Variants in STAM2 observed in about 807,000 individuals in gnomAD.
STAM2 encodes the protein signal transducing adaptor molecule 2.
A neutral mutation model predicts 65.6 loss-of-function variants in STAM2; 51 were observed. That is an observed-to-expected ratio of 0.78 (90% CI 0.62 to 0.98). The LOEUF is 0.98. Ranked by LOEUF, STAM2 falls within the 50% of genes least tolerant of loss-of-function variation. STAM2 has a pLI of 0.00. For missense variants in STAM2, 584 were observed against 617.8 expected (o/e 0.95, Z 0.58); for synonymous variants, 198 against 208.4 (o/e 0.95, Z 0.43).
chr2:152,163,737 T>C (rs536604712), intron 1 of STAM2, among the ~76,000 whole-genome samples: 1 of 152,190 alleles, frequency 6.6e-6, no homozygotes, highest in Non-Finnish European at 1.5e-5. Context: ...GGAAAAGAAT[T>C]GCATTCCTGG....
intron 7 of STAM2, among the ~76,000 whole-genome samples, chr2:152,140,452 G>T (rs1349572128): frequency 1.3e-5 from 2 of 152,146 alleles, no homozygotes; most frequent in Non-Finnish European, 2.9e-5. Flanking sequence ...TTAACAAAAA[G>T]TACTCACCTG....
At chr2:152,153,065 A>G (rs1341919132) in intron 1 of STAM2, among the ~76,000 whole-genome samples, 1 of 152,208 alleles carries the variant, frequency 6.6e-6, no homozygotes, top group Non-Finnish European at 1.5e-5. Context: ...AAATTAATTA[A>G]AGGTAAACTG....
At chr2:152,139,311 T>C (rs1025515928) in intron 7 of STAM2, among the ~76,000 whole-genome samples, 1 of 152,202 alleles carries the variant, frequency 6.6e-6, no homozygotes, top group Non-Finnish European at 1.5e-5. Context: ...CAAACATTAT[T>C]CAGCTAACAT....
intron 5 of STAM2, among the ~76,000 whole-genome samples, chr2:152,145,942 G>A (rs998099137): frequency 1.3e-5 from 2 of 151,998 alleles, no homozygotes; most frequent in African/African-American, 4.8e-5. Flanking sequence ...ATCTCAAAAC[G>A]TTACCTTGTA....
At chr2:152,143,262 T>C (rs1406260072) in intron 7 of STAM2, among the ~76,000 whole-genome samples, 1 of 152,236 alleles carries the variant, frequency 6.6e-6, no homozygotes, top group African/African-American at 2.4e-5. Context: ...CAAATACATC[T>C]GCAATCTGTG....
At chr2:152,165,536 A>C (rs1462499267) in intron 1 of STAM2, among the ~76,000 whole-genome samples, 1 of 152,212 alleles carries the variant, frequency 6.6e-6, no homozygotes, top group African/African-American at 2.4e-5. Context: ...CTGCAGACTG[A>C]GAAAACCATT....
At chr2:152,157,358 G>A (rs761077619) in intron 1 of STAM2, among the ~76,000 whole-genome samples, 4 of 152,198 alleles carry the variant, frequency 2.6e-5, no homozygotes, top group Non-Finnish European at 5.9e-5. Context: ...TGTTGAAGCC[G>A]TAATCCCCAG....
At chr2:152,129,849 A>AACT (rs1689026603) in intron 11 of STAM2, among the ~76,000 whole-genome samples, 1 of 152,358 alleles carries the variant, frequency 6.6e-6, no homozygotes, top group South Asian at 2.1e-4. Context: ...AATATGGCAA[A>AACT]ACTACTGTTA....
chr2:152,143,726 T>C (rs914170003), intron 7 of STAM2, 101 bp downstream of exon 7: 112 of 896,804 alleles, frequency 1.2e-4, no homozygotes, highest in Non-Finnish European at 1.6e-4. Flanking sequence ...GAAATGGTTC[T>C]ATTATGATTT....
chr2:152,174,396 C>T (rs541753129), intron 1 of STAM2, among the ~76,000 whole-genome samples: 1 of 152,186 alleles, frequency 6.6e-6, no homozygotes, highest in Non-Finnish European at 1.5e-5. Flanking sequence ...AGTGATGTTT[C>T]CCAGATTTAC....
At chr2:152,156,173 A>C (rs953342394) in intron 1 of STAM2, among the ~76,000 whole-genome samples, 4 of 152,158 alleles carry the variant, frequency 2.6e-5, no homozygotes, top group African/African-American at 9.7e-5. Context: ...ATCTAATTAG[A>C]CTATTGTTTA....
chr2:152,133,539 C>A, intron 8 of STAM2, 55 bp from the exon 9 acceptor site: 2 of 1,394,584 alleles, frequency 1.4e-6, no homozygotes, highest in South Asian at 1.2e-5. Flanking sequence ...TAATTTTAGT[C>A]ATTAATTTAT....
rs575009275 is a variant in STAM2, at chr2:152,159,110, T to TATATATATATAC, written c.41-8882_41-8881insGTATATATATAT. Among the ~76,000 whole-genome samples the TATATATATATAC allele has an allele frequency of 1.9e-4, 24 of 129,276 alleles. No homozygotes were observed. In the East Asian group the frequency reaches 1.9e-3, roughly 10 times the overall value. 84.8% of individuals were successfully genotyped at this position (129,276 alleles called of 152,430 possible). ...AAAAAAAACCATATATATATATATA[T>TATATATATATAC]ACACACACAGATATATATAATTTTT... On this transcript the variant is annotated intron_variant, in intron 1 of 13. Transcript: ENST00000263904.
At chr2:152,139,078 A>G (rs1689202339) in intron 7 of STAM2, among the ~76,000 whole-genome samples, 1 of 152,208 alleles carries the variant, frequency 6.6e-6, no homozygotes, top group Non-Finnish European at 1.5e-5. Context: ...ACTGACTACA[A>G]GTTGATTCTA....
chr2:152,122,111 C>T (rs1206428345), intron 13 of STAM2, among the ~76,000 whole-genome samples: 1 of 143,956 alleles, frequency 6.9e-6, no homozygotes, highest in Non-Finnish European at 1.5e-5. Context: ...TGTGTATACA[C>T]ATATATATAC....
intron 1 of STAM2, among the ~76,000 whole-genome samples, chr2:152,166,990 A>G (rs937107170): frequency 4.6e-5 from 7 of 152,242 alleles, no homozygotes; most frequent in African/African-American, 1.7e-4. Flanking sequence ...TACAATAACA[A>G]TTTCACTGAA....
intron 1 of STAM2, among the ~76,000 whole-genome samples, chr2:152,163,200 G>T (rs147284864): frequency 6.6e-6 from 1 of 152,232 alleles, no homozygotes; most frequent in Non-Finnish European, 1.5e-5. Context: ...GGCTGGAGCC[G>T]TAGCAGAGGA....
At chr2:152,139,133 A>T (rs1235943641) in intron 7 of STAM2, among the ~76,000 whole-genome samples, 2 of 152,236 alleles carry the variant, frequency 1.3e-5, no homozygotes, top group East Asian at 3.8e-4. Context: ...TTAAATTCTC[A>T]AATTAAAGAA....
chr2:152,132,652 A>T (rs1357716789), intron 10 of STAM2, among the ~76,000 whole-genome samples: 1 of 145,426 alleles, frequency 6.9e-6, no homozygotes, highest in Non-Finnish European at 1.5e-5. Flanking sequence ...TGTTTCTTCT[A>T]TATAAAGATT....
Sources: gnomAD v4.1 joint callset for allele counts (sites outside exome capture counted in the v4.1 genomes callset) on GRCh38, gnomAD v4.1.1 for gene constraint, MANE v1.5 for transcripts, NCBI Gene and HGNC (gene_info 2026-07-23, HGNC 2026-07-21) for gene names.